GAB2: variants seen among roughly 807,000 people sequenced by gnomAD.
GAB2 encodes GRB2 associated binding protein 2, also known as GRB2-associated-binding protein 2.
A neutral mutation model predicts 65.5 loss-of-function variants in GAB2; 26 were observed. The observed-to-expected ratio is 0.40, with a 90% CI of 0.29 to 0.55. The LOEUF (loss-of-function observed/expected upper bound fraction) is 0.55. Ranked by LOEUF, GAB2 falls within the 20% of genes least tolerant of loss-of-function variation. The pLI is 0.53. For synonymous variants in GAB2, 321 were observed against 329.6 expected (o/e 0.97, Z 0.28); for missense variants, 884 against 875.8 (o/e 1.01, Z -0.12).
intron 2 of GAB2, among the ~76,000 whole-genome samples, chr11:78,262,675 A>G (rs760219251): frequency 6.6e-5 from 10 of 151,796 alleles, no homozygotes; most frequent in Admixed American, 2.0e-4. Flanking sequence ...TAGTTTCCCT[A>G]CTCATCTCCC....
intron 7 of GAB2, 81 bp downstream of exon 7, chr11:78,222,024 G>T: frequency 2.2e-6 from 2 of 918,948 alleles, no homozygotes; most frequent in Non-Finnish European, 1.8e-6. Context: ...CAGCTGTCCC[G>T]GCCCACAGGC....
chr11:78,238,794 G>C (rs1183355839), intron 3 of GAB2, among the ~76,000 whole-genome samples: 1 of 152,076 alleles, frequency 6.6e-6, no homozygotes, highest in African/African-American at 2.4e-5. Context: ...TTGAACATCA[G>C]AATTAAAATA....
chr11:78,290,294 G>T (rs189531935), intron 1 of GAB2, among the ~76,000 whole-genome samples: 6 of 152,268 alleles, frequency 3.9e-5, no homozygotes, highest in Admixed American at 2.6e-4. Flanking sequence ...TTGGAAAAAA[G>T]AATTTGTGTC....
intron 1 of GAB2, among the ~76,000 whole-genome samples, chr11:78,394,833 C>T (rs10899490): frequency 0.24 from 36,000 of 152,006 alleles, 4,724 homozygotes; most frequent in East Asian, 0.41. Flanking sequence ...CTGAAAGAGA[C>T]GAAAAGAACT....
chr11:78,279,502 A>G (rs1159342195), intron 2 of GAB2, among the ~76,000 whole-genome samples: 4 of 152,164 alleles, frequency 2.6e-5, no homozygotes, highest in Admixed American at 1.3e-4. Flanking sequence ...TTAAAGTGTA[A>G]AATACAGTGG....
chr11:78,354,920 C>T (rs1856335046), intron 1 of GAB2, among the ~76,000 whole-genome samples: 1 of 152,204 alleles, frequency 6.6e-6, no homozygotes, highest in Non-Finnish European at 1.5e-5. Context: ...ACATGCGGTG[C>T]AAGTGAAACA....
At chr11:78,392,672 C>G (rs758616728) in intron 1 of GAB2, among the ~76,000 whole-genome samples, 4 of 152,184 alleles carry the variant, frequency 2.6e-5, no homozygotes, top group Admixed American at 6.5e-5. Flanking sequence ...CTGGGGAGAA[C>G]AGAGAGACTC....
chr11:78,376,987 A>G (rs1365276492), intron 1 of GAB2, among the ~76,000 whole-genome samples: 3 of 151,944 alleles, frequency 2.0e-5, no homozygotes, highest in Admixed American at 6.6e-5. Context: ...ACCTCCTGCC[A>G]CCCCGACTCT....
intron 1 of GAB2, among the ~76,000 whole-genome samples, chr11:78,301,958 A>C (rs910743834): frequency 6.6e-6 from 1 of 152,224 alleles, no homozygotes; most frequent in Admixed American, 6.5e-5. Flanking sequence ...CCTATTCAAC[A>C]AACAGTGCTG....
Position 78,261,743 on chromosome 11 carries a change from T to G in GAB2, c.377-11343A>C, listed in dbSNP as rs558130613. Among the ~76,000 whole-genome samples the G allele has an allele frequency of 4.6e-5, 7 of 152,206 alleles. No homozygotes were observed. The South Asian group carries it at 1.5e-3, about 32-fold the overall frequency. ...TGAGCTGCAGGCCAGCCCCAAAGGG[T>G]GGCCTATGCTTTATGAGCTTACATG... On this transcript the variant is annotated intron_variant, in intron 2 of 9. Transcript: ENST00000361507.
At chr11:78,318,383 A>AAAAAAAAAAAAAAAAAAAAAAAAAAAC (rs1855657296) in intron 1 of GAB2, among the ~76,000 whole-genome samples, 3 of 149,132 alleles carry the variant, frequency 2.0e-5, no homozygotes, top group Non-Finnish European at 3.0e-5. Context: ...AAAAAAAAAA[A>AAAAAAAAAAAAAAAAAAAAAAAAAAAC]AAAGCTGTGA....
At chr11:78,370,177 A>G (rs1856548554) in intron 1 of GAB2, among the ~76,000 whole-genome samples, 1 of 149,728 alleles carries the variant, frequency 6.7e-6, no homozygotes, top group South Asian at 2.1e-4. Flanking sequence ...GAATGGCGTG[A>G]ACCCGGGAGG....
chr11:78,223,463 T>C lies in GAB2; in HGVS notation c.1516A>G (p.Ser506Gly), dbSNP rs753464229. The change falls in exon 6 of 10, where the codon AGT (serine) becomes GGT (glycine). Residue 506 changes from serine (S) to glycine (G), a missense_variant. Ser to Gly is a moderately conservative substitution (Grantham distance 56). Coordinates refer to ENST00000361507, the MANE Select transcript of GAB2 (RefSeq NM_080491.3). ...TTGACAGGGGGTGGCTGAATCTCACTTCCTCTGCTGGGGCCTCGGTGCACA... is the reference window on the plus strand; with the variant it reads ...TTGACAGGGGGTGGCTGAATCTCACCTCCTCTGCTGGGGCCTCGGTGCACA... ...LPVHRGPSRG[S>G]EIQPPPVNRN... 21 of 1,591,056 alleles carry C rather than the reference T, an allele frequency of 1.3e-5. No individual in the cohort carries two copies. The South Asian group carries it at 2.4e-4, about 18-fold the overall frequency.
intron 3 of GAB2, among the ~76,000 whole-genome samples, chr11:78,247,011 T>A (rs58293643): frequency 0.033 from 4,950 of 152,264 alleles, 252 homozygotes; most frequent in African/African-American, 0.11. Flanking sequence ...CCAGCTCTCT[T>A]CATTCTGGAA....
intron 1 of GAB2, among the ~76,000 whole-genome samples, chr11:78,408,536 G>A (rs1857084780): frequency 6.6e-6 from 1 of 152,198 alleles, no homozygotes; most frequent in South Asian, 2.1e-4. Context: ...TAGCATATTA[G>A]AAATTATATT....
chr11:78,345,375 T>A (rs1856164451), intron 1 of GAB2, among the ~76,000 whole-genome samples: 1 of 152,192 alleles, frequency 6.6e-6, no homozygotes, highest in Non-Finnish European at 1.5e-5. Context: ...AGTTATATAA[T>A]CACCTGGCTT....
chr11:78,407,726 GAAAGAAAGAAAGAAAGAAAGAA>G (rs1342696984), intron 1 of GAB2, among the ~76,000 whole-genome samples: 3 of 135,980 alleles, frequency 2.2e-5, no homozygotes, highest in African/African-American at 3.1e-5. Context: ...GTCCCAAAAA[GAAAGAAAGAAAGAAAGAAAGAA>G]AAAGAAAGAA....
intron 1 of GAB2, among the ~76,000 whole-genome samples, chr11:78,374,806 T>C (rs575695204): frequency 6.6e-6 from 1 of 152,180 alleles, no homozygotes; most frequent in South Asian, 2.1e-4. Context: ...AACTAAGAAC[T>C]AAGAAAGAAC....
At chr11:78,409,628 G>A (rs902727782) in intron 1 of GAB2, among the ~76,000 whole-genome samples, 3 of 151,950 alleles carry the variant, frequency 2.0e-5, no homozygotes, top group African/African-American at 7.2e-5. Flanking sequence ...AACAAAAACA[G>A]ATATAAGTGA....
Sources: gnomAD v4.1 joint callset for allele counts (sites outside exome capture counted in the v4.1 genomes callset) on GRCh38, gnomAD v4.1.1 for gene constraint, MANE v1.5 for transcripts, NCBI Gene and HGNC (gene_info 2026-07-23, HGNC 2026-07-21) for gene names.